MROH2A: variants seen among roughly 807,000 people sequenced by gnomAD.
MROH2A encodes the protein maestro heat like repeat family member 2A.
In MROH2A, 174 loss-of-function variants were observed where a neutral mutation model predicts 200.4. The ratio of observed to expected loss-of-function variants is 0.87; its 90% CI spans 0.77 to 0.98. The LOEUF is 0.98. Among genes scored for constraint, MROH2A ranks in the 50% least tolerant of loss-of-function variants. MROH2A has a pLI of 0.00. For missense variants in MROH2A, 2,045 were observed against 2,139.6 expected, an observed-to-expected ratio of 0.96 and a Z score of 0.87; for synonymous variants, 829 against 840.4, an observed-to-expected ratio of 0.99 and a Z score of 0.23.
Position 233,804,646 on chromosome 2 carries a change from C to A in MROH2A, c.1944+99C>A, listed in dbSNP as rs148827251. On this transcript the variant is annotated intron_variant, in intron 18 of 41. Coordinates refer to ENST00000389758, the MANE Select transcript of MROH2A (RefSeq NM_001394639.1). ...GCTGGGCACATGAGGAGTTTAGAAG[C>A]CCCTAAAGGACATGTTCTCCTTCTG... is the stretch of plus-strand genomic sequence containing the variant. 374 of 1,052,604 alleles carry A rather than the reference C, an allele frequency of 3.6e-4. No homozygotes were observed. The African/African-American group carries it at 5.5e-3, about 16-fold the overall frequency. The allele number at this position is 1,052,604 out of a possible 1,614,324, so 65.2% of individuals were successfully genotyped here. A position where few individuals can be genotyped will look rare whatever the true frequency, so the allele number is the denominator to read the frequency against.
intron 35 of MROH2A, 48 bp downstream of exon 35, chr2:233,823,712 G>T: frequency 6.5e-7 from 1 of 1,537,138 alleles, no homozygotes; most frequent in Non-Finnish European, 8.8e-7. Flanking sequence ...GGAGGGGATG[G>T]GGTCCCTGGA....
At chr2:233,786,320 C>T (rs1481473753) in intron 3 of MROH2A, among the ~76,000 whole-genome samples, 1 of 152,256 alleles carries the variant, frequency 6.6e-6, no homozygotes, top group Non-Finnish European at 1.5e-5. Flanking sequence ...AATTTGGTTT[C>T]TGTAAAGCCT....
At position 233,787,630 on chromosome 2, in the gene MROH2A, T is replaced by G. The variant is rs560945373; in HGVS notation, c.277-1867T>G. The stretch of plus-strand genomic sequence containing the variant: ...ATATATATCATATATACATATATAT[T>G]ATATATATTATATATATCATATATA... On this transcript the variant is annotated intron_variant, in intron 3 of 41. Coordinates refer to ENST00000389758, the MANE Select transcript of MROH2A (RefSeq NM_001394639.1). 6.1e-4 allele frequency among the ~76,000 whole-genome samples: 34 copies of G among 55,572 alleles called. 5 individuals are homozygous for G. In the South Asian group the frequency reaches 0.019, roughly 32 times the overall value. The allele number at this position is 55,572 out of a possible 152,430, so 36.5% of individuals were successfully genotyped here.
chr2:233,832,761 G>T, intron 41 of MROH2A, 117 bp downstream of exon 41: 1 of 648,014 alleles, frequency 1.5e-6, no homozygotes, highest in Non-Finnish European at 2.7e-6. Context: ...GTTTCGGGGG[G>T]GTGGGAGTGC....
chr2:233,819,285 G>A (rs762299540), intron 29 of MROH2A, 32 bp from the exon 30 acceptor site: 5 of 1,538,982 alleles, frequency 3.2e-6, no homozygotes, highest in East Asian at 4.9e-5. Flanking sequence ...AGTGGCAGGG[G>A]AGGGCAGGGG....
intron 14 of MROH2A, 97 bp downstream of exon 14, chr2:233,800,412 C>A: frequency 2.7e-6 from 2 of 750,614 alleles, no homozygotes; most frequent in Middle Eastern, 3.9e-4. Context: ...TTCTTCCGTT[C>A]CTGCTGTCTG....
chr2:233,788,938 C>CAAAAAAA (rs56084976), intron 3 of MROH2A, among the ~76,000 whole-genome samples: 2 of 47,484 alleles, frequency 4.2e-5, no homozygotes, highest in African/African-American at 9.0e-5. Flanking sequence ...GACTCCGTCT[C>CAAAAAAA]AAAAAAAAAA....
At position 233,798,814 on chromosome 2, in the gene MROH2A, G is replaced by T. The variant is rs11563247; in HGVS notation, c.1293G>T (p.Arg431=). ...MSIRAIYLAI[R]VVKNTISDTR... ...TCAGGGCCATCTACCTGGCTATCCG[G>T]GTAGTCAAGAACACCATCTCTGATA... Residue 431 remains arginine (R), a synonymous_variant, in exon 12 of 42, where the codon CGG becomes CGT. Coordinates refer to ENST00000389758, the MANE Select transcript of MROH2A (RefSeq NM_001394639.1). The T allele has an allele frequency of 5.8e-6, 9 of 1,550,104 alleles. No individual in the cohort carries two copies. Among genetic ancestry groups the T allele is most frequent in the Admixed American group, 2.0e-5 (1 of 50,970 alleles).
chr2:233,818,041 C>T lies in MROH2A; in HGVS notation c.3001C>T (p.Leu1001Phe). 6.4e-7 allele frequency: 1 copy of T among 1,551,038 alleles called. No homozygotes were observed. Among genetic ancestry groups the T allele is most frequent in the East Asian group, 2.4e-5 (1 of 40,926 alleles). Reference protein sequence around the residue: ...KLGQFGTMVGLIAPCTCDAHQ... With the variant: ...KLGQFGTMVGFIAPCTCDAHQ... Reference sequence around the variant, plus strand: ...GGGGCAGTTTGGCACAATGGTCGGACTCATTGCCCCGTGCACCTGTGATGC... The same window carrying T: ...GGGGCAGTTTGGCACAATGGTCGGATTCATTGCCCCGTGCACCTGTGATGC... The change falls in exon 28 of 42, where the codon CTC (leucine) becomes TTC (phenylalanine). Residue 1001 changes from leucine to phenylalanine, a missense_variant. Coordinates refer to ENST00000389758, the MANE Select transcript of MROH2A (RefSeq NM_001394639.1).
At position 233,807,872 on chromosome 2, in the gene MROH2A, C is replaced by T. The variant is rs1702908813; in HGVS notation, c.2295+17C>T. The T allele has an allele frequency of 1.9e-6, 3 of 1,550,948 alleles. No homozygotes were observed. The highest frequency in any genetic ancestry group is 2.0e-5 in the Admixed American group (1 of 51,014). ...GCTTGGCGGGTAAGCCACCTTCCCT[C>T]CACAACTGGGTCTTGGGATCTCTTA... On this transcript the variant is annotated intron_variant, in intron 21 of 41. Transcript: ENST00000389758. This position sits in a 1 kb window ranked among gnomAD's most constrained non-coding sequence, Gnocchi z 4.3.
At chr2:233,799,984 T>C in intron 13 of MROH2A, 85 bp downstream of exon 13, 8 of 1,498,782 alleles carry the variant, frequency 5.3e-6, no homozygotes, top group Non-Finnish European at 6.3e-6. Context: ...CCACTCAGCG[T>C]ACCTGTGTTC....
In MROH2A at chr2:233,795,692, A is replaced by G; in HGVS notation, c.1006A>G (p.Thr336Ala). The change falls in exon 9 of 42, where the codon ACC becomes GCC. Residue 336 changes from threonine (T) to alanine (A), a missense_variant. By Grantham distance (58) the Thr-to-Ala change is moderately conservative. This residue lies in a region of MROH2A where 831 missense variants were observed against 800.0 expected (regional missense o/e 1.04). Coordinates refer to ENST00000389758, the MANE Select transcript of MROH2A (RefSeq NM_001394639.1). ...CCTGGAACTGTCAGTCACCACCAACACCCCTGTCCCCCAAATGCAGCTACA... is the reference window on the plus strand; with the variant it reads ...CCTGGAACTGTCAGTCACCACCAACGCCCCTGTCCCCCAAATGCAGCTACA... ...QILELSVTTN[T>A]PVPQMQLHTI... 2 of 1,550,888 alleles carry G rather than the reference A, an allele frequency of 1.3e-6. No homozygotes were observed. Among genetic ancestry groups the G allele is most frequent in the Non-Finnish European group, 1.7e-6 (2 of 1,147,020 alleles).
At chr2:233,817,212 ATAAATTTTG>A (rs1400255399) in intron 27 of MROH2A, among the ~76,000 whole-genome samples, 1 of 152,236 alleles carries the variant, frequency 6.6e-6, no homozygotes. Flanking sequence ...CTGCAAAATC[ATAAATTTTG>A]CAAAGCTTGA....
intron 35 of MROH2A, among the ~76,000 whole-genome samples, chr2:233,826,293 G>A (rs1275560367): frequency 6.6e-6 from 1 of 152,184 alleles, no homozygotes; most frequent in Non-Finnish European, 1.5e-5. Flanking sequence ...AACAAAGCTG[G>A]AGGCATCACC....
At chr2:233,829,803 C>T in intron 38 of MROH2A, 28 bp downstream of exon 38, 1 of 1,292,912 alleles carries the variant, frequency 7.7e-7, no homozygotes, top group Non-Finnish European at 9.9e-7. Flanking sequence ...CTTTGTGTCC[C>T]AGTCTGGGGC....
chr2:233,792,463 C>A (rs1701836928), intron 5 of MROH2A, among the ~76,000 whole-genome samples: 1 of 152,120 alleles, frequency 6.6e-6, no homozygotes, highest in African/African-American at 2.4e-5. Flanking sequence ...CAGGCGCCTG[C>A]CAACACGCCC....
At position 233,793,734 on chromosome 2, in the gene MROH2A, C is replaced by A; in HGVS notation, c.732C>A (p.Tyr244Ter). The A allele has an allele frequency of 6.7e-7, 1 of 1,495,458 alleles. No individual in the cohort carries two copies. The highest frequency in any genetic ancestry group is 8.9e-7 in the Non-Finnish European group (1 of 1,120,088). The allele number at this position is 1,495,458 out of a possible 1,614,324, so 92.6% of individuals were successfully genotyped here. The part of the protein sequence containing the change: ...FYLKHLEESV[Y>*]PVMTEEEFAL... ...TGAAGCACCTGGAGGAGAGCGTGTA[C>A]CCCGTGATGACTGAGGAGGAGTTTG... The change falls in exon 7 of 42, where the codon TAC (tyrosine) becomes TAA (stop). Residue 244 changes from tyrosine (Y) to a stop codon, truncating the protein, a stop_gained. Coordinates refer to ENST00000389758, the MANE Select transcript of MROH2A (RefSeq NM_001394639.1). LOFTEE classifies it high-confidence loss of function.
Position 233,822,454 on chromosome 2 carries a change from TG to T in MROH2A, c.3765del (p.Gln1256SerfsTer15). On this transcript the variant is annotated frameshift_variant, in exon 33 of 42. Transcript: ENST00000389758. LOFTEE classifies it high-confidence loss of function. ...CCTGACCTCATCTACACCCTCCTGC[TG>T]CAGCTTGGAAGCAGCCACCGACCAG... ...FLPDLIYTLL[L>X]QLGSSHRPEA... The T allele has an allele frequency of 3.9e-6, 6 of 1,551,002 alleles. No homozygotes were observed. The South Asian group carries it at 7.1e-5, about 18-fold the overall frequency.
intron 27 of MROH2A, 75 bp from the exon 28 acceptor site, chr2:233,817,927 T>C: frequency 6.5e-7 from 1 of 1,530,834 alleles, no homozygotes; most frequent in Non-Finnish European, 8.8e-7. Flanking sequence ...AAGTTGTCCT[T>C]TACACTGCCC....
Sources: gnomAD v4.1 joint callset for allele counts (sites outside exome capture counted in the v4.1 genomes callset) on GRCh38, gnomAD v4.1.1 for gene constraint, gnomAD v4.1.1 regional missense constraint, Gnocchi (gnomAD v3.1) non-coding constraint, MANE v1.5 for transcripts, NCBI Gene and HGNC (gene_info 2026-07-23, HGNC 2026-07-21) for gene names.